Variants in FHIT observed in about 807,000 individuals in gnomAD.
FHIT encodes the protein fragile histidine triad diadenosine triphosphatase, also known as bis(5'-adenosyl)-triphosphatase.
Under a neutral mutation model 17.9 loss-of-function variants are expected in FHIT, and 19 were observed. That is an observed-to-expected ratio of 1.06 (90% CI 0.74 to 1.56). The LOEUF is 1.56. Among genes scored for constraint, FHIT ranks in the 40% most tolerant of loss-of-function variants. The pLI, the probability that FHIT is intolerant of heterozygous loss-of-function variation, is 0.00. For missense variants in FHIT, 248 were observed against 189.2 expected, an observed-to-expected ratio of 1.31 and a Z score of -1.82; for synonymous variants, 81 against 69.7, an observed-to-expected ratio of 1.16 and a Z score of -0.81.
At chr3:60,445,157 G>C (rs1035977642) in intron 5 of FHIT, among the ~76,000 whole-genome samples, 7 of 152,146 alleles carry the variant, frequency 4.6e-5, no homozygotes, top group Middle Eastern at 6.8e-3. Context: ...GGAAAACAGA[G>C]TAAGACAGTT....
intron 5 of FHIT, among the ~76,000 whole-genome samples, chr3:60,090,495 T>G (rs774002484): frequency 8.5e-5 from 13 of 152,174 alleles, no homozygotes; most frequent in Non-Finnish European, 1.6e-4. Flanking sequence ...TTTACGTGAT[T>G]GATGGGTAGA....
In FHIT at chr3:60,027,153, T is replaced by C. The variant is rs1341518084; in HGVS notation, c.104-13001A>G. 2.2e-5 allele frequency among the ~76,000 whole-genome samples: 2 copies of C among 91,978 alleles called. 1 individual carries two copies. The highest frequency in any genetic ancestry group is 8.0e-4 in the East Asian group (2 of 2,504). The allele number at this position is 91,978 out of a possible 152,430, so 60.3% of individuals were successfully genotyped here. ...CACACACACACACACACACACAAAATTAGTAAACCCAATAATCCACAAAGA... is the reference window on the plus strand; with the variant it reads ...CACACACACACACACACACACAAAACTAGTAAACCCAATAATCCACAAAGA... On this transcript the variant is annotated intron_variant, in intron 5 of 9. Coordinates refer to ENST00000492590, the MANE Select transcript of FHIT (RefSeq NM_002012.4).
chr3:60,318,656 C>T (rs1039229292), intron 5 of FHIT, among the ~76,000 whole-genome samples: 7 of 152,156 alleles, frequency 4.6e-5, no homozygotes, highest in Non-Finnish European at 7.4e-5. Context: ...TCAGCAGAAT[C>T]GTATAGTCCA....
intron 5 of FHIT, among the ~76,000 whole-genome samples, chr3:60,036,118 C>G (rs566031809): frequency 9.2e-5 from 14 of 152,334 alleles, no homozygotes; most frequent in African/African-American, 2.9e-4. Flanking sequence ...ACTGCCATAA[C>G]TAGTCATGTG....
At chr3:60,108,665 C>CTT (rs67464031) in intron 5 of FHIT, among the ~76,000 whole-genome samples, 1,990 of 143,910 alleles carry the variant, frequency 0.014, 54 homozygotes, top group African/African-American at 0.048. Context: ...AGTTACTTCT[C>CTT]TTTTTTTTTT....
At chr3:60,273,875 T>C (rs976923147) in intron 5 of FHIT, among the ~76,000 whole-genome samples, 1 of 152,184 alleles carries the variant, frequency 6.6e-6, no homozygotes, top group Admixed American at 6.5e-5. Context: ...AAAAGTAATG[T>C]TCTGAAACAT....
At chr3:60,558,790 C>T (rs2036832493) in intron 4 of FHIT, among the ~76,000 whole-genome samples, 1 of 152,132 alleles carries the variant, frequency 6.6e-6, no homozygotes, top group Admixed American at 6.5e-5. Context: ...TTTTAGATAC[C>T]ATTACCAATC....
chr3:60,985,419 A>G (rs540101305), intron 3 of FHIT, among the ~76,000 whole-genome samples: 1 of 152,242 alleles, frequency 6.6e-6, no homozygotes, highest in Admixed American at 6.5e-5. Context: ...TTCCTTTGAG[A>G]AACTCCCTGA....
chr3:59,786,526 C>T (rs938719807), intron 8 of FHIT, among the ~76,000 whole-genome samples: 3 of 152,148 alleles, frequency 2.0e-5, no homozygotes, highest in Admixed American at 6.5e-5. Flanking sequence ...ACGTGCGATG[C>T]GTGATAAAAT....
At chr3:61,086,427 T>G (rs2035309125) in intron 2 of FHIT, among the ~76,000 whole-genome samples, 1 of 152,156 alleles carries the variant, frequency 6.6e-6, no homozygotes, top group African/African-American at 2.4e-5. Flanking sequence ...ACATATATTG[T>G]TTTTCTATAT....
At chr3:60,643,855 G>A (rs1473410449) in intron 4 of FHIT, among the ~76,000 whole-genome samples, 2 of 152,104 alleles carry the variant, frequency 1.3e-5, no homozygotes, top group African/African-American at 4.8e-5. Flanking sequence ...ATATTTTTGG[G>A]ATCTGGAATC....
chr3:60,320,156 C>T (rs983078975), intron 5 of FHIT, among the ~76,000 whole-genome samples: 4 of 152,148 alleles, frequency 2.6e-5, no homozygotes, highest in African/African-American at 9.7e-5. Context: ...TATCCAAGTA[C>T]GTTGACACTC....
chr3:60,862,056 G>T (rs1703936182), intron 3 of FHIT, among the ~76,000 whole-genome samples: 2 of 152,010 alleles, frequency 1.3e-5, no homozygotes, highest in Admixed American at 1.3e-4. Context: ...TCTAACAAAT[G>T]CTTATAGAAT....
intron 5 of FHIT, among the ~76,000 whole-genome samples, chr3:60,034,324 C>A (rs913744845): frequency 1.5e-4 from 23 of 152,206 alleles, no homozygotes; most frequent in African/African-American, 5.1e-4. Flanking sequence ...ACATACAGGG[C>A]AATTCTTGCT....
chr3:60,884,430 C>G (rs1705121871), intron 3 of FHIT, among the ~76,000 whole-genome samples: 1 of 152,058 alleles, frequency 6.6e-6, no homozygotes, highest in Non-Finnish European at 1.5e-5. Context: ...TACTGCAGCA[C>G]TATTCATAAT....
intron 5 of FHIT, among the ~76,000 whole-genome samples, chr3:60,101,839 C>T (rs556971699): frequency 7.9e-5 from 12 of 152,320 alleles, no homozygotes; most frequent in African/African-American, 2.4e-4. Context: ...TGGACAATTA[C>T]GCAAGGCACA....
At chr3:60,514,396 C>T (rs751600421) in intron 5 of FHIT, among the ~76,000 whole-genome samples, 24 of 152,214 alleles carry the variant, frequency 1.6e-4, no homozygotes, top group Non-Finnish European at 2.5e-4. Flanking sequence ...CGCTCCCTCC[C>T]GTGGGGAGTG....
At chr3:60,073,756 A>G (rs1702885151) in intron 5 of FHIT, among the ~76,000 whole-genome samples, 1 of 152,068 alleles carries the variant, frequency 6.6e-6, no homozygotes, top group South Asian at 2.1e-4. Context: ...GACTCACTGG[A>G]AAAAATCACT....
chr3:60,403,179 C>G (rs1357316302), intron 5 of FHIT, among the ~76,000 whole-genome samples: 1 of 152,152 alleles, frequency 6.6e-6, no homozygotes, highest in African/African-American at 2.4e-5. Flanking sequence ...ATTGAAATAA[C>G]CTGTGTGAGA....
Sources: allele counts gnomAD v4.1 joint callset (sites outside exome capture counted in the v4.1 genomes callset), GRCh38; gene constraint gnomAD v4.1.1; transcripts MANE v1.5; gene names NCBI Gene and HGNC (gene_info 2026-07-23, HGNC 2026-07-21).